The following MID1 variants were observed in gnomAD, a reference collection of about 807,000 sequenced individuals.
MID1 encodes midline 1.
In MID1, 7 loss-of-function variants were observed where a neutral mutation model predicts 40.4. The observed-to-expected ratio is 0.17, with a 90% CI of 0.10 to 0.33. The LOEUF (loss-of-function observed/expected upper bound fraction) is 0.33, where lower values mean the gene tolerates loss of function less well. MID1 is among the 10% of genes least tolerant of loss of function. The probability of loss-of-function intolerance (pLI) is 1.00; values close to 1 mark genes in which losing one functional copy is unlikely to be tolerated. For synonymous variants in MID1, 229 were observed against 221.2 expected (o/e 1.04, Z -0.31); for missense variants, 367 against 558.5 (o/e 0.66, Z 3.46).
chrX:10,464,520 G>A (rs1176444243), intron 7 of MID1, among the ~76,000 whole-genome samples: 2 of 111,893 alleles, frequency 1.8e-5, no homozygotes, highest in South Asian at 3.7e-4. Flanking sequence ...CCCAGGGGAC[G>A]TCTTTGACAA....
rs1170099584 is a variant in MID1, at chrX:10,567,412, C to T, written c.136G>A (p.Glu46Lys). 8 of 1,208,726 alleles carry T rather than the reference C, an allele frequency of 6.6e-6. No individual in the cohort carries two copies. The highest frequency in any genetic ancestry group is 1.8e-5 in the South Asian group (1 of 56,569). Residue 46 changes from glutamate (E) to lysine (K), a missense_variant, in exon 2 of 10, where the codon GAG becomes AAG. By Grantham distance (56) the Glu-to-Lys change is moderately conservative. Coordinates refer to ENST00000317552, the MANE Select transcript of MID1 (RefSeq NM_000381.4). ...RILVSHCATNESVESITAFQC... is the reference protein window; with the variant it reads ...RILVSHCATNKSVESITAFQC... The stretch of plus-strand genomic sequence containing the variant: ...AAGGCGGTGATGGACTCCACAGACT[C>T]GTTGGTGGCACAGTGTGATACTAGG...
intron 1 of MID1, among the ~76,000 whole-genome samples, chrX:10,827,193 G>T (rs1384607192): frequency 9.0e-6 from 1 of 111,132 alleles, no homozygotes; most frequent in Non-Finnish European, 1.9e-5. Flanking sequence ...GTTCTCTGGG[G>T]AAATTCTTTC....
chrX:10,593,762 GACACACAC>G (rs57390547), intron 1 of MID1, among the ~76,000 whole-genome samples: 1,120 of 83,298 alleles, frequency 0.013, 7 homozygotes, highest in Non-Finnish European at 0.02. Context: ...CTGTCCCTCT[GACACACAC>G]ACACACACAC....
chrX:10,715,799 A>T (rs906426615), intron 1 of MID1, among the ~76,000 whole-genome samples: 2 of 111,912 alleles, frequency 1.8e-5, no homozygotes, highest in African/African-American at 6.5e-5. Context: ...ACCCCCCAGT[A>T]GGGGCAGACT....
intron 1 of MID1, among the ~76,000 whole-genome samples, chrX:10,726,621 C>T (rs746290560): frequency 4.5e-5 from 5 of 112,298 alleles, no homozygotes; most frequent in African/African-American, 1.6e-4. Flanking sequence ...GTATGAGTGA[C>T]AATTGGCTTT....
intron 1 of MID1, among the ~76,000 whole-genome samples, chrX:10,688,319 G>T (rs913249694): frequency 9.0e-6 from 1 of 111,052 alleles, no homozygotes; most frequent in African/African-American, 3.3e-5. Flanking sequence ...TTTGTAACCA[G>T]CATTTTGGTA....
chrX:10,759,797 G>T (rs2043663036), intron 1 of MID1, among the ~76,000 whole-genome samples: 2 of 111,909 alleles, frequency 1.8e-5, no homozygotes, highest in South Asian at 7.5e-4. Context: ...AAGTTCTCTA[G>T]CATAAGAAAT....
intron 1 of MID1, among the ~76,000 whole-genome samples, chrX:10,611,993 T>C (rs1846585427): frequency 8.9e-6 from 1 of 111,910 alleles, no homozygotes; most frequent in Non-Finnish European, 1.9e-5. Context: ...TAATGTCTTC[T>C]GTTATCAATG....
intron 1 of MID1, among the ~76,000 whole-genome samples, chrX:10,671,554 G>C (rs2042987388): frequency 9.0e-6 from 1 of 111,259 alleles, no homozygotes; most frequent in African/African-American, 3.3e-5. Flanking sequence ...TTTCTGGCCG[G>C]TGTTCTATCC....
intron 3 of MID1, among the ~76,000 whole-genome samples, chrX:10,519,017 G>A (rs1450399334): frequency 1.8e-5 from 2 of 112,080 alleles, no homozygotes; most frequent in African/African-American, 3.2e-5. Context: ...TTTACATCAT[G>A]TTAGGATGAA....
intron 1 of MID1, chrX:10,833,505 A>T (rs1453155328): frequency 8.9e-6 from 1 of 112,486 alleles, no homozygotes; most frequent in Non-Finnish European, 1.9e-5. Context: ...GAGAGCAGAC[A>T]GGCGTGCCAC....
At chrX:10,607,055 T>C (rs752158318) in intron 1 of MID1, among the ~76,000 whole-genome samples, 9 of 112,480 alleles carry the variant, frequency 8.0e-5, no homozygotes, top group African/African-American at 2.9e-4. Flanking sequence ...TTTTAAAGCA[T>C]TGAATATAAG....
chrX:10,519,939 T>C (rs1315771827), intron 3 of MID1, among the ~76,000 whole-genome samples: 2 of 112,106 alleles, frequency 1.8e-5, no homozygotes. Context: ...TTTTAAGCCT[T>C]CCACCAAAGC....
chrX:10,586,840 C>T (rs1935153037), intron 1 of MID1, among the ~76,000 whole-genome samples: 1 of 112,649 alleles, frequency 8.9e-6, no homozygotes, highest in Non-Finnish European at 1.9e-5. Flanking sequence ...GGTTAAAACT[C>T]TAACTGCCAT....
chrX:10,460,145 G>C (rs886297669), intron 7 of MID1: 1 of 298,141 alleles, frequency 3.4e-6, no homozygotes, highest in African/African-American at 2.7e-5. Flanking sequence ...TGTGCTAGTT[G>C]CAAGAGTAGG....
rs139554924 is a variant in MID1, at chrX:10,675,228, T to C, written c.-186-54809A>G. 3.9e-3 allele frequency among the ~76,000 whole-genome samples: 442 copies of C among 112,587 alleles called. 2 individuals are homozygous for C. The highest frequency in any genetic ancestry group is 6.6e-3 in the Non-Finnish European group (354 of 53,348). On this transcript the variant is annotated intron_variant, in intron 1 of 10. Coordinates refer to the MID1 transcript ENST00000380785. Reference sequence around the variant, plus strand: ...TGAAATGATAATAAGTGTATTGGCATATGTTAAGTTTAGAAACAAAACATC... The same window carrying C: ...TGAAATGATAATAAGTGTATTGGCACATGTTAAGTTTAGAAACAAAACATC...
intron 1 of MID1, among the ~76,000 whole-genome samples, chrX:10,638,468 G>A (rs138984206): frequency 0.027 from 3,016 of 111,904 alleles, 53 homozygotes; most frequent in African/African-American, 0.06. Flanking sequence ...AGGGGCGTCC[G>A]CCATTGCTGA....
intron 7 of MID1, among the ~76,000 whole-genome samples, chrX:10,464,261 T>G (rs1929212354): frequency 2.7e-5 from 3 of 112,721 alleles, no homozygotes; most frequent in Admixed American, 1.9e-4. Context: ...AGTTTTTTTA[T>G]GCATGACCTT....
chrX:10,589,394 T>C (rs1171109616), intron 1 of MID1, among the ~76,000 whole-genome samples: 3 of 110,187 alleles, frequency 2.7e-5, no homozygotes, highest in Non-Finnish European at 3.8e-5. Flanking sequence ...ACCAAAGTGC[T>C]GATAAAGGCA....
Sources: gnomAD v4.1 joint callset for allele counts (sites outside exome capture counted in the v4.1 genomes callset) on GRCh38, gnomAD v4.1.1 for gene constraint, MANE v1.5 for transcripts, NCBI Gene and HGNC (gene_info 2026-07-23, HGNC 2026-07-21) for gene names.